Variants in GLP2R observed in about 807,000 individuals in gnomAD.
GLP2R encodes glucagon-like peptide 2 receptor.
GLP2R carries 59 observed loss-of-function variants against 68.2 expected under a neutral mutation model. That is an observed-to-expected ratio of 0.87 (90% CI 0.70 to 1.07). The LOEUF is 1.07. Ranked by LOEUF, GLP2R falls within the 50% of genes least tolerant of loss-of-function variation. GLP2R has a pLI of 0.00. For synonymous variants in GLP2R, 270 were observed against 265.4 expected (o/e 1.02, Z -0.17); for missense variants, 548 against 677.4 (o/e 0.81, Z 2.12).
At chr17:9,833,922 C>T (rs765244288) in intron 2 of GLP2R, 28 bp downstream of exon 2, 16 of 1,416,220 alleles carry the variant, frequency 1.1e-5, no homozygotes, top group Non-Finnish European at 1.6e-5. Flanking sequence ...TTATCCGTGG[C>T]TGTGTAACAA....
At chr17:9,873,886 C>T (rs931648598) in intron 10 of GLP2R, among the ~76,000 whole-genome samples, 6 of 152,148 alleles carry the variant, frequency 3.9e-5, no homozygotes, top group African/African-American at 1.2e-4. Context: ...GTGGAATATT[C>T]TGGTCGGGCC....
rs1309600755 is a variant in GLP2R, at chr17:9,826,169, C to G, written c.106C>G (p.Pro36Ala). 1.7e-5 allele frequency: 27 copies of G among 1,613,154 alleles called. No homozygotes were observed. The highest frequency in any genetic ancestry group is 2.2e-5 in the Non-Finnish European group (26 of 1,179,674). Residue 36 changes from proline (P) to alanine (A), a missense_variant, in exon 1 of 13, where the codon CCT becomes GCT. Coordinates refer to ENST00000262441, the MANE Select transcript of GLP2R (RefSeq NM_004246.3). ...CATCCCTGCCCCCTGGGGGACCAGT[C>G]CTCTCTCCTTCCACAGGAAGTGCTC... ...MGIPAPWGTS[P>A]LSFHRKCSLW... is the part of the protein sequence containing the mutation.
intron 10 of GLP2R, among the ~76,000 whole-genome samples, chr17:9,873,901 T>C (rs1252533245): frequency 2.6e-5 from 4 of 152,200 alleles, no homozygotes; most frequent in African/African-American, 9.6e-5. Flanking sequence ...CGGGCCATTA[T>C]AAATGTCATG....
rs760063841 is a variant in GLP2R at position 9,836,447 on chromosome 17, C to T, written c.354C>T (p.Cys118=). The part of the protein sequence containing the change: ...HSSPGNVSVP[C]PSYLPWWSEE... ...CTCCTGGAAATGTCTCTGTACCCTG[C>T]CCTTCATACTTACCTTGGTGGAGTG... The change falls in exon 3 of 13, where the codon TGC becomes TGT. Residue 118 remains cysteine (C), a synonymous_variant. Transcript: ENST00000262441. 2 of 1,607,134 alleles carry T rather than the reference C, an allele frequency of 1.2e-6. No homozygotes were observed. Among genetic ancestry groups the T allele is most frequent in the Non-Finnish European group, 8.5e-7 (1 of 1,173,564 alleles).
chr17:9,869,988 T>C (rs1441819218), intron 9 of GLP2R, among the ~76,000 whole-genome samples: 1 of 152,212 alleles, frequency 6.6e-6, no homozygotes, highest in Non-Finnish European at 1.5e-5. Flanking sequence ...TCCCAGTCCA[T>C]GACAGTCGTG....
Position 9,854,602 on chromosome 17 carries a change from G to A in GLP2R, c.611+1G>A, listed in dbSNP as rs2066919524. On this transcript the variant is annotated splice_donor_variant, in intron 5 of 12. Coordinates refer to ENST00000262441, the MANE Select transcript of GLP2R (RefSeq NM_004246.3). LOFTEE classifies it high-confidence loss of function. ...CTCTCACCCTCCTCTTGTTTCTTCGGTGAGTAGAACTTCTGCAGGCATGTG... is the reference window on the plus strand; with the variant it reads ...CTCTCACCCTCCTCTTGTTTCTTCGATGAGTAGAACTTCTGCAGGCATGTG... The A allele has an allele frequency of 1.3e-6, 2 of 1,542,256 alleles. No homozygotes were observed. Among genetic ancestry groups the A allele is most frequent in the Non-Finnish European group, 9.0e-7 (1 of 1,114,562 alleles).
chr17:9,863,359 A>G (rs2067004584), intron 9 of GLP2R, among the ~76,000 whole-genome samples: 1 of 152,196 alleles, frequency 6.6e-6, no homozygotes, highest in Admixed American at 6.5e-5. Flanking sequence ...CCAACCTGTG[A>G]AGATATGCCA....
rs1027485699 is a variant in GLP2R at position 9,889,973 on chromosome 17, C to G, written c.*268C>G. On this transcript the variant is annotated 3_prime_UTR_variant, in exon 13 of 13. Coordinates refer to ENST00000262441, the MANE Select transcript of GLP2R (RefSeq NM_004246.3). The stretch of plus-strand genomic sequence containing the variant: ...GCCCACCAGACCCTAGGGCCTGGCT[C>G]TAAATTCAAGCCAATGAAGTCCCAC... The G allele has an allele frequency of 1.8e-6, 1 of 550,504 alleles. No homozygotes were observed. Among genetic ancestry groups the G allele is most frequent in the East Asian group, 4.4e-5 (1 of 22,638 alleles). The allele number at this position is 550,504 out of a possible 1,614,324, so 34.1% of individuals were successfully genotyped here.
In GLP2R at chr17:9,889,106, C is replaced by T. The variant is rs574735409; in HGVS notation, c.1327-264C>T. ...GGCTCCTCACCTATCAAGCAGGTTT[C>T]AGCTCACATGCCACCCCGGCAGAGT... On this transcript the variant is annotated intron_variant, in intron 12 of 12. Coordinates refer to ENST00000262441, the MANE Select transcript of GLP2R (RefSeq NM_004246.3). 1.6e-4 allele frequency among the ~76,000 whole-genome samples: 24 copies of T among 152,312 alleles called. No individual in the cohort carries two copies. In the South Asian group the frequency reaches 5.0e-3, roughly 32 times the overall value.
intron 10 of GLP2R, among the ~76,000 whole-genome samples, chr17:9,875,518 A>C (rs2067135267): frequency 6.6e-6 from 1 of 152,252 alleles, no homozygotes; most frequent in Non-Finnish European, 1.5e-5. Flanking sequence ...TAAATTAAAC[A>C]CATTTAGGCC....
chr17:9,875,618 A>C (rs2067136050), intron 10 of GLP2R, among the ~76,000 whole-genome samples: 1 of 152,226 alleles, frequency 6.6e-6, no homozygotes, highest in Non-Finnish European at 1.5e-5. Context: ...AAAGGAAATA[A>C]AAAATGGTCC....
At chr17:9,848,867 T>TTTGTGTGTG (rs1555570622) in intron 4 of GLP2R, among the ~76,000 whole-genome samples, 1 of 139,326 alleles carries the variant, frequency 7.2e-6, no homozygotes, top group African/African-American at 2.6e-5. Flanking sequence ...TTAAAGGAGA[T>TTTGTGTGTG]TGTGTGTGTG....
intron 4 of GLP2R, among the ~76,000 whole-genome samples, chr17:9,845,837 G>C (rs1335410197): frequency 6.6e-6 from 1 of 151,920 alleles, no homozygotes; most frequent in African/African-American, 2.4e-5. Flanking sequence ...TAAGGTCAAT[G>C]CTATTTCATA....
intron 3 of GLP2R, among the ~76,000 whole-genome samples, chr17:9,839,775 A>G (rs1258500439): frequency 6.6e-6 from 1 of 151,662 alleles, no homozygotes; most frequent in Non-Finnish European, 1.5e-5. Context: ...CCAATGAGCA[A>G]CTCCCAGGCT....
At chr17:9,877,834 G>A (rs892884849) in intron 10 of GLP2R, among the ~76,000 whole-genome samples, 1 of 138,134 alleles carries the variant, frequency 7.2e-6, no homozygotes, top group Non-Finnish European at 1.5e-5. Context: ...CCGAGATCCC[G>A]CCACTGCACT....
In GLP2R at chr17:9,845,063, C is replaced by T. The variant is rs867932789; in HGVS notation, c.504+2447C>T. Among the ~76,000 whole-genome samples the T allele has an allele frequency of 8.3e-5, 12 of 143,936 alleles. No homozygotes were observed. The South Asian group carries it at 1.1e-3, about 13-fold the overall frequency. 94.4% of individuals were successfully genotyped at this position (143,936 alleles called of 152,430 possible). A position where few individuals can be genotyped will look rare whatever the true frequency, so the allele number is the denominator to read the frequency against. ...ACTCTCCGCCACTCCCAAGTTGTGG[C>T]TTTTTTTTTTTTTGAGATAGAGTCT... On this transcript the variant is annotated intron_variant, in intron 4 of 12. Coordinates refer to ENST00000262441, the MANE Select transcript of GLP2R (RefSeq NM_004246.3).
chr17:9,828,274 T>G (rs1423568575), intron 1 of GLP2R, among the ~76,000 whole-genome samples: 1 of 152,228 alleles, frequency 6.6e-6, no homozygotes, highest in Non-Finnish European at 1.5e-5. Flanking sequence ...TCTCCCCCAG[T>G]GACCAGAACA....
At chr17:9,884,546 T>C (rs2067225126) in intron 11 of GLP2R, among the ~76,000 whole-genome samples, 1 of 152,194 alleles carries the variant, frequency 6.6e-6, no homozygotes, top group Non-Finnish European at 1.5e-5. Context: ...TGCTGTCTGA[T>C]ATATTGGAGC....
intron 10 of GLP2R, among the ~76,000 whole-genome samples, chr17:9,879,291 T>A (rs546903320): frequency 1.5e-4 from 4 of 26,802 alleles, no homozygotes; most frequent in African/African-American, 2.7e-4. Context: ...TAAAATAAAA[T>A]AAATAAAATA....
Sources: allele counts gnomAD v4.1 joint callset (sites outside exome capture counted in the v4.1 genomes callset), GRCh38; gene constraint gnomAD v4.1.1; transcripts MANE v1.5; gene names NCBI Gene and HGNC (gene_info 2026-07-23, HGNC 2026-07-21).